GAK: variants seen among roughly 807,000 people sequenced by gnomAD.
The protein encoded by GAK is cyclin G associated kinase, also known as cyclin-G-associated kinase.
In GAK, 79 loss-of-function variants were observed where a neutral mutation model predicts 143.9. That is an observed-to-expected ratio of 0.55 (90% CI 0.46 to 0.66). The LOEUF is 0.66. Ranked by LOEUF, GAK falls within the 30% of genes least tolerant of loss-of-function variation. GAK has a pLI of 0.00. For synonymous variants in GAK, 881 were observed against 765.5 expected (o/e 1.15, Z -2.49); for missense variants, 1,693 against 1,779.7 (o/e 0.95, Z 0.88).
intron 1 of GAK, among the ~76,000 whole-genome samples, chr4:914,450 C>T (rs1722675812): frequency 1.1e-5 from 1 of 92,230 alleles, no homozygotes; most frequent in Admixed American, 1.2e-4. Flanking sequence ...GGCCCCCACA[C>T]ACACAGCCCC....
rs544589661 is a variant in GAK at position 884,483 on chromosome 4, C to T, written c.1206-397G>A. On this transcript the variant is annotated intron_variant, in intron 11 of 27. Coordinates refer to ENST00000314167, the MANE Select transcript of GAK (RefSeq NM_005255.4). ...GCTTGGACGATGGTCACGGGTCATG[C>T]CAGGCTCCACGCGCTGCCCAGGCCT... 11 of 212,894 alleles carry T rather than the reference C, an allele frequency of 5.2e-5. No individual in the cohort carries two copies. The South Asian group carries it at 7.3e-4, about 14-fold the overall frequency. 13.2% of individuals were successfully genotyped at this position (212,894 alleles called of 1,614,324 possible). A position where few individuals can be genotyped will look rare whatever the true frequency, so the allele number is the denominator to read the frequency against.
chr4:870,660 C>G, intron 19 of GAK, 51 bp downstream of exon 19: 1 of 1,563,828 alleles, frequency 6.4e-7, no homozygotes. Flanking sequence ...TCTCTCTCCA[C>G]AGAGACACTC....
At chr4:884,977 C>T (rs989053558) in intron 11 of GAK, among the ~76,000 whole-genome samples, 11 of 151,924 alleles carry the variant, frequency 7.2e-5, no homozygotes, top group East Asian at 1.9e-4. Context: ...TTTTAAAAGC[C>T]GTCTAAACCC....
chr4:896,643 G>T, intron 6 of GAK, 94 bp from the exon 7 acceptor site: 1 of 946,410 alleles, frequency 1.1e-6, no homozygotes, highest in Non-Finnish European at 1.7e-6. Flanking sequence ...CAAATGCACA[G>T]CAGACTGAGG....
intron 1 of GAK, among the ~76,000 whole-genome samples, chr4:923,971 G>A (rs886306042): frequency 1.3e-5 from 2 of 152,196 alleles, no homozygotes; most frequent in South Asian, 2.1e-4. Flanking sequence ...GGTGACCTGA[G>A]GTCAGGAGTT....
intron 24 of GAK, chr4:859,364 C>T (rs767850903): frequency 1.8e-5 from 26 of 1,459,534 alleles, no homozygotes; most frequent in Non-Finnish European, 2.1e-5. Flanking sequence ...TCACGCACCA[C>T]AATGCCGGTG....
intron 9 of GAK, among the ~76,000 whole-genome samples, chr4:893,154 T>C (rs549830262): frequency 1.3e-5 from 2 of 149,718 alleles, no homozygotes; most frequent in Non-Finnish European, 3.0e-5. Flanking sequence ...ATAGGAGACT[T>C]GGGGTTCACA....
At chr4:863,842 G>A (rs978778199) in intron 23 of GAK, among the ~76,000 whole-genome samples, 4 of 151,818 alleles carry the variant, frequency 2.6e-5, no homozygotes, top group Non-Finnish European at 5.9e-5. Context: ...GACCAACATA[G>A]TGAAACCTCA....
intron 1 of GAK, among the ~76,000 whole-genome samples, chr4:918,571 T>C (rs777698675): frequency 9.9e-5 from 15 of 152,274 alleles, no homozygotes; most frequent in Admixed American, 1.3e-4. Context: ...ATGCAGTACA[T>C]GTGTTAACTA....
chr4:876,887 C>T (rs1714021373), intron 17 of GAK, among the ~76,000 whole-genome samples: 1 of 152,252 alleles, frequency 6.6e-6, no homozygotes, highest in Admixed American at 6.5e-5. Context: ...AAACGCCAGG[C>T]TTTTCAGGTT....
At chr4:912,548 A>AAAAC (rs1722229021) in intron 3 of GAK, 187 bp downstream of exon 3, 1 of 539,930 alleles carries the variant, frequency 1.9e-6, no homozygotes, top group Non-Finnish European at 3.3e-6. Flanking sequence ...CAGTAAAAAA[A>AAAAC]AAACAGAAAA....
chr4:882,035 C>A lies in GAK; in HGVS notation c.1533G>T (p.Gly511=). ...AGACGGCCACAGCAGACGCGGCTCT[C>A]CCGTCCTAGGACAGACAGACACGTC... is the stretch of plus-strand genomic sequence containing the variant. ...KNVCVVHCMD[G]RAASAVAVCS... The change falls in exon 15 of 28, where the codon GGG becomes GGT. Residue 511 remains glycine (G), a synonymous_variant. Transcript: ENST00000314167. 6.2e-7 allele frequency: 1 copy of A among 1,604,236 alleles called. No individual in the cohort carries two copies. The highest frequency in any genetic ancestry group is 1.7e-5 in the Admixed American group (1 of 59,208).
Position 897,954 on chromosome 4 carries a change from C to T in GAK, c.651+79G>A, listed in dbSNP as rs375658625. 9.7e-5 allele frequency: 143 copies of T among 1,469,246 alleles called. 1 individual carries two copies. The highest frequency in any genetic ancestry group is 9.3e-4 in the East Asian group (37 of 39,906). 91.0% of individuals were successfully genotyped at this position (1,469,246 alleles called of 1,614,324 possible). On this transcript the variant is annotated intron_variant, in intron 6 of 27. Transcript: ENST00000314167. ...CAGAGCGAGACTCAAAGCACCCCGG[C>T]GGAAAACAGCACTCCGCACTCAGGG...
intron 4 of GAK, among the ~76,000 whole-genome samples, chr4:905,933 C>T (rs973988486): frequency 3.3e-5 from 5 of 152,250 alleles, no homozygotes; most frequent in Non-Finnish European, 7.3e-5. Flanking sequence ...CAGGGGTGGG[C>T]TCGGAGCAGC....
intron 1 of GAK, among the ~76,000 whole-genome samples, chr4:914,485 C>T (rs1317545250): frequency 2.9e-5 from 3 of 102,040 alleles, no homozygotes; most frequent in African/African-American, 4.0e-5. Context: ...CACACACACA[C>T]AGCCCCAGCG....
At chr4:895,812 G>A (rs561062010) in intron 7 of GAK, among the ~76,000 whole-genome samples, 23 of 152,330 alleles carry the variant, frequency 1.5e-4, no homozygotes, top group African/African-American at 5.3e-4. Flanking sequence ...GCCTGGCTCT[G>A]AGCGCAGCAA....
At chr4:852,800 G>A (rs1560272921) in intron 24 of GAK, 1 of 152,222 alleles carries the variant, frequency 6.6e-6, no homozygotes, top group Non-Finnish European at 1.5e-5. Flanking sequence ...TAAATACCCT[G>A]AGCACCTGCG....
At chr4:883,619 G>A (rs1715628586) in intron 12 of GAK, among the ~76,000 whole-genome samples, 156 bp from the exon 13 acceptor site, 1 of 152,200 alleles carries the variant, frequency 6.6e-6, no homozygotes, top group African/African-American at 2.4e-5. Context: ...ACCCTCCGTG[G>A]ACTCCCAGCC....
chr4:865,119 T>C lies in GAK; in HGVS notation c.3166+3A>G, dbSNP rs779909257. The C allele has an allele frequency of 1.3e-5, 21 of 1,608,052 alleles. No homozygotes were observed. Among genetic ancestry groups the C allele is most frequent in the African/African-American group, 2.7e-5 (2 of 74,828 alleles). On this transcript the variant is annotated splice_donor_region_variant and intron_variant, in intron 23 of 27. Coordinates refer to ENST00000314167, the MANE Select transcript of GAK (RefSeq NM_005255.4). ...CCCTGTCCTTGGTGGGTGGTGGCCA[T>C]ACCTTCTGTGGCTGGCGTGGGGGCC... is the stretch of plus-strand genomic sequence containing the variant.
Sources: gnomAD v4.1 joint callset for allele counts (sites outside exome capture counted in the v4.1 genomes callset) on GRCh38, gnomAD v4.1.1 for gene constraint, MANE v1.5 for transcripts, NCBI Gene and HGNC (gene_info 2026-07-23, HGNC 2026-07-21) for gene names.